LHFPL2: variants seen among roughly 807,000 people sequenced by gnomAD.
LHFPL2 encodes LHFPL tetraspan subfamily member 2, also known as LHFPL tetraspan subfamily member 2 protein.
In LHFPL2, 7 loss-of-function variants were observed where a neutral mutation model predicts 17.5. The observed-to-expected ratio is 0.40, with a 90% CI of 0.23 to 0.75. The LOEUF (loss-of-function observed/expected upper bound fraction) is 0.75. LHFPL2 is among the 30% of genes least tolerant of loss of function. The pLI is 0.37. For synonymous variants in LHFPL2, 134 were observed against 116.2 expected (o/e 1.15, Z -0.99); for missense variants, 241 against 294.8 (o/e 0.82, Z 1.34).
At chr5:78,645,093 C>G (rs1274683066) in intron 1 of LHFPL2, among the ~76,000 whole-genome samples, 3 of 152,202 alleles carry the variant, frequency 2.0e-5, no homozygotes, top group Admixed American at 2.0e-4. Flanking sequence ...CCATACCCTG[C>G]TACCACCCCC....
At chr5:78,498,023 G>A (rs1754659525) in intron 4 of LHFPL2, among the ~76,000 whole-genome samples, 1 of 152,206 alleles carries the variant, frequency 6.6e-6, no homozygotes, top group South Asian at 2.1e-4. Context: ...GCCAGGAGAG[G>A]AGCAGCACGC....
intron 3 of LHFPL2, among the ~76,000 whole-genome samples, chr5:78,528,885 C>A (rs184012816): frequency 6.6e-6 from 1 of 152,194 alleles, no homozygotes; most frequent in Admixed American, 6.5e-5. Context: ...AACCAAGATA[C>A]GTCTATTTTA....
chr5:78,494,317 A>G (rs1754539216), intron 4 of LHFPL2: 1 of 971,646 alleles, frequency 1.0e-6, no homozygotes, highest in Non-Finnish European at 1.2e-6. Context: ...AAGACAACGC[A>G]GCCACCATGG....
At chr5:78,535,159 C>G (rs1048583764) in intron 3 of LHFPL2, among the ~76,000 whole-genome samples, 3 of 152,326 alleles carry the variant, frequency 2.0e-5, no homozygotes, top group Non-Finnish European at 4.4e-5. Context: ...CCCCAAGCCA[C>G]GCCACAGGGT....
At chr5:78,607,248 G>T (rs1454288214) in intron 2 of LHFPL2, among the ~76,000 whole-genome samples, 1 of 151,746 alleles carries the variant, frequency 6.6e-6, no homozygotes, top group African/African-American at 2.4e-5. Context: ...AAGTAGCTGG[G>T]ATTACAGGCA....
rs1176157493 is a variant in LHFPL2 at position 78,596,089 on chromosome 5, T to C, written c.-244-31218A>G. On this transcript the variant is annotated intron_variant, in intron 2 of 4. Coordinates refer to ENST00000380345, the MANE Select transcript of LHFPL2 (RefSeq NM_005779.3). Reference sequence around the variant, plus strand: ...AAAAAAGCAGCCCTCTCTGCAGCTGTTCTAGACCGAAGATGACAAAGTTTA... The same window carrying C: ...AAAAAAGCAGCCCTCTCTGCAGCTGCTCTAGACCGAAGATGACAAAGTTTA... 2.0e-5 allele frequency among the ~76,000 whole-genome samples: 3 copies of C among 152,210 alleles called. No individual in the cohort carries two copies. The East Asian group carries it at 5.8e-4, about 29-fold the overall frequency.
intron 4 of LHFPL2, among the ~76,000 whole-genome samples, chr5:78,495,575 A>G (rs1471851231): frequency 1.3e-5 from 2 of 152,200 alleles, no homozygotes; most frequent in Non-Finnish European, 2.9e-5. Flanking sequence ...GAACAGAAAC[A>G]AAAGAAGGTC....
At chr5:78,527,268 C>T (rs972819859) in intron 3 of LHFPL2, among the ~76,000 whole-genome samples, 1 of 151,994 alleles carries the variant, frequency 6.6e-6, no homozygotes, top group African/African-American at 2.4e-5. Flanking sequence ...AACAAACGAA[C>T]CCAGTTACTA....
chr5:78,589,836 T>C (rs1165183083), intron 2 of LHFPL2, among the ~76,000 whole-genome samples: 1 of 152,194 alleles, frequency 6.6e-6, no homozygotes, highest in African/African-American at 2.4e-5. Context: ...CACAACACAG[T>C]TAACTGAATA....
chr5:78,630,196 G>C (rs1052245530), intron 2 of LHFPL2, among the ~76,000 whole-genome samples: 3 of 152,192 alleles, frequency 2.0e-5, no homozygotes, highest in African/African-American at 7.2e-5. Context: ...TGTAAAACAA[G>C]AGGGGGTCTG....
intron 4 of LHFPL2, among the ~76,000 whole-genome samples, chr5:78,507,640 G>A (rs920589156): frequency 2.0e-5 from 3 of 152,248 alleles, no homozygotes; most frequent in Non-Finnish European, 4.4e-5. Context: ...TGGTTTGCTC[G>A]AAGGTAGTTA....
Position 78,510,042 on chromosome 5 carries a change from G to C in LHFPL2, c.172C>G (p.His58Asp), listed in dbSNP as rs1201700615. The C allele has an allele frequency of 6.2e-7, 1 of 1,610,672 alleles. No individual in the cohort carries two copies. Among genetic ancestry groups the C allele is most frequent in the Non-Finnish European group, 8.5e-7 (1 of 1,178,618 alleles). The change falls in exon 4 of 5, where the codon CAC (histidine) becomes GAC (aspartate). Residue 58 changes from histidine to aspartate, a missense_variant. Transcript: ENST00000380345. ...GPGGGSPEPYHPTLGIYARCI... is the reference protein window; with the variant it reads ...GPGGGSPEPYDPTLGIYARCI... ...CGGGCGTAGATGCCCAGGGTGGGGTGGTAGGGCTCCGGGGAGCCCCCGCCC... is the reference window on the plus strand; with the variant it reads ...CGGGCGTAGATGCCCAGGGTGGGGTCGTAGGGCTCCGGGGAGCCCCCGCCC...
intron 1 of LHFPL2, among the ~76,000 whole-genome samples, chr5:78,642,591 T>C (rs1221377815): frequency 6.6e-6 from 1 of 152,066 alleles, no homozygotes; most frequent in Non-Finnish European, 1.5e-5. Context: ...TTAGTAAACC[T>C]CAACACGCCA....
At chr5:78,514,330 C>T (rs754055257) in intron 3 of LHFPL2, among the ~76,000 whole-genome samples, 12 of 146,156 alleles carry the variant, frequency 8.2e-5, no homozygotes, top group East Asian at 4.0e-4. Flanking sequence ...ACTGGCACAA[C>T]GGTGTGCAAA....
chr5:78,593,820 C>T (rs537908204), intron 2 of LHFPL2, among the ~76,000 whole-genome samples: 163 of 152,296 alleles, frequency 1.1e-3, no homozygotes, highest in Middle Eastern at 0.01. Flanking sequence ...ACAAACCAGA[C>T]GGCATGACTG....
intron 3 of LHFPL2, among the ~76,000 whole-genome samples, chr5:78,539,687 C>T (rs529679644): frequency 6.6e-5 from 10 of 152,234 alleles, no homozygotes; most frequent in South Asian, 6.2e-4. Context: ...GTGGGGTCTC[C>T]GGACAGGCTG....
At chr5:78,584,660 T>C (rs1398168809) in intron 2 of LHFPL2, among the ~76,000 whole-genome samples, 2 of 152,190 alleles carry the variant, frequency 1.3e-5, no homozygotes, top group Non-Finnish European at 2.9e-5. Context: ...TCCAGCTGCA[T>C]GCTGGGAAAA....
intron 2 of LHFPL2, among the ~76,000 whole-genome samples, chr5:78,579,486 T>TC (rs1353065230): frequency 3.3e-5 from 5 of 151,956 alleles, no homozygotes; most frequent in African/African-American, 1.2e-4. Flanking sequence ...GTGCTAACCC[T>TC]CCCCCCTTCC....
chr5:78,579,361 C>T (rs1176274522), intron 2 of LHFPL2, among the ~76,000 whole-genome samples: 1 of 151,666 alleles, frequency 6.6e-6, no homozygotes, highest in Non-Finnish European at 1.5e-5. Flanking sequence ...TATTATTATA[C>T]TTTAAGTTTT....
Sources: gnomAD v4.1 joint callset for allele counts (sites outside exome capture counted in the v4.1 genomes callset) on GRCh38, gnomAD v4.1.1 for gene constraint, MANE v1.5 for transcripts, NCBI Gene and HGNC (gene_info 2026-07-23, HGNC 2026-07-21) for gene names.